The following C9 variants were observed in gnomAD, a reference collection of about 807,000 sequenced individuals.
The protein encoded by C9 is complement component C9.
A neutral mutation model predicts 65.4 loss-of-function variants in C9; 63 were observed. That is an observed-to-expected ratio of 0.96 (90% CI 0.79 to 1.19). The LOEUF (loss-of-function observed/expected upper bound fraction) is 1.19. Ranked by LOEUF, C9 falls within the 50% of genes most tolerant of loss-of-function variation. The pLI, the probability that C9 is intolerant of heterozygous loss-of-function variation, is 0.00. For missense variants in C9, 744 were observed against 670.1 expected, an observed-to-expected ratio of 1.11 and a Z score of -1.22; for synonymous variants, 229 against 227.9, an observed-to-expected ratio of 1.00 and a Z score of -0.04.
intron 5 of C9, among the ~76,000 whole-genome samples, chr5:39,317,844 A>C (rs1227320231): frequency 6.6e-6 from 1 of 150,712 alleles, no homozygotes; most frequent in Non-Finnish European, 1.5e-5. Context: ...TTGTTTCCAC[A>C]TGAATTTTAA....
chr5:39,301,029 A>G lies in C9; in HGVS notation c.1416+5588T>C, dbSNP rs139399587. On this transcript the variant is annotated intron_variant, in intron 9 of 10. Transcript: ENST00000263408. ...ATAAAGCTGTTGAAGGATAATACATAGGAAAGTATCAAGGCCTTGAGGTAG... is the reference window on the plus strand; with the variant it reads ...ATAAAGCTGTTGAAGGATAATACATGGGAAAGTATCAAGGCCTTGAGGTAG... Among the ~76,000 whole-genome samples the G allele has an allele frequency of 3.3e-5, 5 of 152,252 alleles. No homozygotes were observed. The East Asian group carries it at 9.7e-4, about 29-fold the overall frequency.
chr5:39,285,063 GAA>G lies in C9; in HGVS notation c.*134_*135del, dbSNP rs1208663638. ...AAAAAAAAATTATAGACCTAAGAGA[GAA>G]GAGACTTCAGAGGTTGGTAGGATTT... On this transcript the variant is annotated 3_prime_UTR_variant, in exon 11 of 11. Transcript: ENST00000263408. 18 of 758,990 alleles carry G rather than the reference GAA, an allele frequency of 2.4e-5. No homozygotes were observed. The highest frequency in any genetic ancestry group is 3.5e-5 in the Non-Finnish European group (15 of 425,248). The allele number at this position is 758,990 out of a possible 1,614,324, so 47.0% of individuals were successfully genotyped here.
chr5:39,344,728 A>C lies in C9; in HGVS notation c.78-2532T>G, dbSNP rs181360830. On this transcript the variant is annotated intron_variant, in intron 1 of 10. Coordinates refer to ENST00000263408, the MANE Select transcript of C9 (RefSeq NM_001737.5). The stretch of plus-strand genomic sequence containing the variant: ...TCCAAGACACATAATTGTCAGATTT[A>C]CCAAAGCTGAAATGAAGGAAAAAAT... Among the ~76,000 whole-genome samples the C allele has an allele frequency of 3.5e-4, 53 of 152,356 alleles. No homozygotes were observed. The East Asian group carries it at 6.2e-3, about 18-fold the overall frequency.
intron 6 of C9, 96 bp downstream of exon 6, chr5:39,315,679 C>T (rs1395209363): frequency 1.1e-6 from 1 of 927,348 alleles, no homozygotes; most frequent in Non-Finnish European, 1.6e-6. Flanking sequence ...ATCCATGTTT[C>T]TTTTCCTTTT....
rs1753420408 is a variant in C9 at position 39,308,499 on chromosome 5, T to C, written c.1112-141A>G. 3 of 688,262 alleles carry C rather than the reference T, an allele frequency of 4.4e-6. No homozygotes were observed. In the South Asian group the frequency reaches 4.9e-5, roughly 11 times the overall value. 42.6% of individuals were successfully genotyped at this position (688,262 alleles called of 1,614,324 possible). A position where few individuals can be genotyped will look rare whatever the true frequency, so the allele number is the denominator to read the frequency against. On this transcript the variant is annotated intron_variant, in intron 7 of 10. Transcript: ENST00000263408. ...AAATTCAAATGTGCCATCATGTCTG[T>C]CCTGCTTTGTCCTCATATTAGATTA...
intron 6 of C9, 96 bp downstream of exon 6, chr5:39,315,679 C>A (rs1395209363): frequency 3.2e-6 from 3 of 927,348 alleles, no homozygotes; most frequent in Admixed American, 2.6e-5. Context: ...ATCCATGTTT[C>A]TTTTCCTTTT....
chr5:39,297,943 A>T (rs1417610950), intron 9 of C9, among the ~76,000 whole-genome samples: 1 of 151,688 alleles, frequency 6.6e-6, no homozygotes, highest in Non-Finnish European at 1.5e-5. Context: ...TACTCAATAT[A>T]TTGAGAATAA....
intron 1 of C9, among the ~76,000 whole-genome samples, chr5:39,356,849 A>G (rs1754421180): frequency 6.6e-6 from 1 of 152,218 alleles, no homozygotes; most frequent in South Asian, 2.1e-4. Flanking sequence ...CAAGGACTGC[A>G]TATGTACAAC....
intron 7 of C9, among the ~76,000 whole-genome samples, chr5:39,310,488 G>GT: frequency 6.6e-6 from 1 of 152,206 alleles, no homozygotes; most frequent in South Asian, 2.1e-4. Flanking sequence ...TGATAACTAT[G>GT]TATCAGTAGG....
intron 9 of C9, among the ~76,000 whole-genome samples, chr5:39,292,107 A>G (rs1191057805): frequency 1.3e-5 from 2 of 151,894 alleles, no homozygotes; most frequent in Non-Finnish European, 2.9e-5. Context: ...AAGTAATTAA[A>G]TAATCAAACC....
chr5:39,327,568 CAG>C (rs1753769863), intron 5 of C9, among the ~76,000 whole-genome samples: 1 of 152,076 alleles, frequency 6.6e-6, no homozygotes, highest in South Asian at 2.1e-4. Flanking sequence ...CTTACCAAGA[CAG>C]AGAATTCAAG....
chr5:39,334,232 A>G (rs1301421483), intron 4 of C9, among the ~76,000 whole-genome samples: 4 of 129,938 alleles, frequency 3.1e-5, no homozygotes, highest in East Asian at 2.4e-4. Context: ...GCGGCCCATC[A>G]TCTGAGATGT....
chr5:39,339,520 G>A (rs771822772), intron 4 of C9, among the ~76,000 whole-genome samples: 1 of 151,982 alleles, frequency 6.6e-6, no homozygotes, highest in Admixed American at 6.5e-5. Flanking sequence ...CGGCACTGAC[G>A]CTTTGGGTCA....
chr5:39,348,771 C>G (rs1754259386), intron 1 of C9, among the ~76,000 whole-genome samples: 1 of 152,116 alleles, frequency 6.6e-6, no homozygotes, highest in Admixed American at 6.5e-5. Flanking sequence ...CGAACCAACC[C>G]AAATGTCCAT....
At chr5:39,320,128 A>G (rs1338736161) in intron 5 of C9, among the ~76,000 whole-genome samples, 3 of 152,334 alleles carry the variant, frequency 2.0e-5, no homozygotes, top group East Asian at 3.9e-4. Context: ...ACATGGCATC[A>G]CCAAAGGAAC....
At chr5:39,289,393 C>T (rs1392512832) in intron 9 of C9, among the ~76,000 whole-genome samples, 1 of 151,650 alleles carries the variant, frequency 6.6e-6, no homozygotes, top group East Asian at 1.9e-4. Flanking sequence ...GTGTGCAAGG[C>T]CAAGTCCAGA....
intron 9 of C9, among the ~76,000 whole-genome samples, chr5:39,292,666 T>C (rs976101392): frequency 6.6e-6 from 1 of 151,692 alleles, no homozygotes; most frequent in African/African-American, 2.4e-5. Context: ...TTATAGTGTA[T>C]GTAAAAATTT....
At chr5:39,328,891 G>A (rs1450684562) in intron 5 of C9, among the ~76,000 whole-genome samples, 3 of 152,278 alleles carry the variant, frequency 2.0e-5, no homozygotes, top group East Asian at 3.9e-4. Context: ...GAAGTTATGA[G>A]GCAACAAGAA....
chr5:39,358,194 A>AC (rs961738058), intron 1 of C9, among the ~76,000 whole-genome samples: 4 of 152,242 alleles, frequency 2.6e-5, no homozygotes, highest in African/African-American at 9.6e-5. Flanking sequence ...CTTTTAAGAT[A>AC]CTATTTTGGA....
Sources: gnomAD v4.1 joint callset for allele counts (sites outside exome capture counted in the v4.1 genomes callset) on GRCh38, gnomAD v4.1.1 for gene constraint, MANE v1.5 for transcripts, NCBI Gene and HGNC (gene_info 2026-07-23, HGNC 2026-07-21) for gene names.